XKR9: variants seen among roughly 807,000 people sequenced by gnomAD.
The protein encoded by XKR9 is XK-related protein 9.
In XKR9, 32 loss-of-function variants were observed where a neutral mutation model predicts 32.0. The observed-to-expected ratio is 1.00, with a 90% CI of 0.76 to 1.34. The LOEUF (loss-of-function observed/expected upper bound fraction) is 1.34, where lower values mean the gene tolerates loss of function less well. XKR9 is among the 40% of genes most tolerant of loss of function. The probability of loss-of-function intolerance (pLI) is 0.00; values close to 1 mark genes in which losing one functional copy is unlikely to be tolerated. For synonymous variants in XKR9, 168 were observed against 143.4 expected, an observed-to-expected ratio of 1.17 and a Z score of -1.22; for missense variants, 546 against 429.7, an observed-to-expected ratio of 1.27 and a Z score of -2.39.
intron 4 of XKR9, among the ~76,000 whole-genome samples, chr8:70,709,169 T>G (rs908803153): frequency 1.3e-5 from 2 of 152,128 alleles, no homozygotes; most frequent in African/African-American, 4.8e-5. Flanking sequence ...ATGTGATTCA[T>G]AAATACAACT....
chr8:70,980,057 C>G, the XKR9 span, among the ~76,000 whole-genome samples: 2 of 152,216 alleles, frequency 1.3e-5, no homozygotes, highest in Admixed American at 1.3e-4. Context: ...GTGTGTGGGA[C>G]CCACTGAGCC....
the XKR9 span, among the ~76,000 whole-genome samples, chr8:70,902,022 C>G: frequency 0.029 from 4,379 of 152,088 alleles, 112 homozygotes; most frequent in Non-Finnish European, 0.038. Flanking sequence ...GTCTATATAT[C>G]TGTTTTGGTA....
the XKR9 span, among the ~76,000 whole-genome samples, chr8:71,004,138 C>A: frequency 1.3e-5 from 2 of 152,054 alleles, no homozygotes; most frequent in Non-Finnish European, 1.5e-5. Context: ...CGTGGAGGAC[C>A]ATGTTGTGAA....
chr8:70,899,163 T>A, the XKR9 span, among the ~76,000 whole-genome samples: 1 of 152,126 alleles, frequency 6.6e-6, no homozygotes, highest in East Asian at 1.9e-4. Context: ...CTTCCAAGAT[T>A]AAAAAAATTT....
chr8:70,723,255 C>T (rs1376798511), intron 4 of XKR9, among the ~76,000 whole-genome samples: 2 of 152,230 alleles, frequency 1.3e-5, no homozygotes, highest in African/African-American at 2.4e-5. Context: ...GCTCCTTTAG[C>T]TCAGAGGAGT....
chr8:70,858,038 C>G, the XKR9 span, among the ~76,000 whole-genome samples: 3 of 152,150 alleles, frequency 2.0e-5, no homozygotes, highest in Non-Finnish European at 4.4e-5. Context: ...AGGAAGCATT[C>G]CCTTTGAAAA....
chr8:70,720,090 GCTCT>G (rs1394574613), intron 4 of XKR9, among the ~76,000 whole-genome samples: 3 of 152,028 alleles, frequency 2.0e-5, no homozygotes, highest in Non-Finnish European at 2.9e-5. Flanking sequence ...TCATGATTGG[GCTCT>G]CTGTTTGTCT....
the XKR9 span, among the ~76,000 whole-genome samples, chr8:70,873,833 C>T: frequency 6.6e-6 from 1 of 152,192 alleles, no homozygotes; most frequent in East Asian, 1.9e-4. Flanking sequence ...GTATAAAATG[C>T]TATCAAGCAG....
At chr8:70,949,924 A>T in the XKR9 span, among the ~76,000 whole-genome samples, 2 of 152,146 alleles carry the variant, frequency 1.3e-5, no homozygotes, top group Non-Finnish European at 2.9e-5. Flanking sequence ...TCATTTTCAG[A>T]TGAAGCTTTG....
the XKR9 span, among the ~76,000 whole-genome samples, chr8:71,044,037 T>A: frequency 6.6e-6 from 1 of 152,126 alleles, no homozygotes; most frequent in African/African-American, 2.4e-5. Flanking sequence ...AACATGCAAG[T>A]TGGAAGGATT....
chr8:70,865,709 C>T, the XKR9 span, among the ~76,000 whole-genome samples: 1 of 152,098 alleles, frequency 6.6e-6, no homozygotes, highest in Non-Finnish European at 1.5e-5. Flanking sequence ...CTTCCATGCT[C>T]TTAGTCAAAA....
chr8:70,765,234 C>T (rs1807359258), intron 2 of XKR9, among the ~76,000 whole-genome samples: 1 of 152,322 alleles, frequency 6.6e-6, no homozygotes, highest in South Asian at 2.1e-4. Flanking sequence ...ACCTATTTCT[C>T]CACATCCTCT....
chr8:70,681,349 T>C lies in XKR9; in HGVS notation c.272+19T>C. ...TTACAAGGTGAGCATACATGTTTAA[T>C]CATTACCACTGTTTTTCTTTTTCCA... On this transcript the variant is annotated intron_variant, in intron 3 of 4. Transcript: ENST00000408926. 1.3e-6 allele frequency: 2 copies of C among 1,591,308 alleles called. No individual in the cohort carries two copies. The highest frequency in any genetic ancestry group is 4.5e-5 in the East Asian group (2 of 44,538).
chr8:71,037,501 G>T, the XKR9 span, among the ~76,000 whole-genome samples: 9 of 152,188 alleles, frequency 5.9e-5, no homozygotes, highest in African/African-American at 2.2e-4. Flanking sequence ...CTAGCTCTTG[G>T]GAATCATGCC....
chr8:70,700,686 T>G (rs1459001814), intron 3 of XKR9, among the ~76,000 whole-genome samples: 1 of 152,192 alleles, frequency 6.6e-6, no homozygotes, highest in Non-Finnish European at 1.5e-5. Flanking sequence ...TCCAGCTGCG[T>G]GCTGGGAGAA....
chr8:70,681,641 T>C (rs189651493), intron 3 of XKR9, among the ~76,000 whole-genome samples: 2 of 152,236 alleles, frequency 1.3e-5, no homozygotes, highest in Admixed American at 1.3e-4. Flanking sequence ...CTAAGTCTGA[T>C]TGTGTAAATA....
the XKR9 span, among the ~76,000 whole-genome samples, chr8:70,867,070 A>T: frequency 1.3e-4 from 20 of 152,300 alleles, no homozygotes; most frequent in Admixed American, 1.2e-3. Context: ...TGATACGGGA[A>T]AAAGGGTTTA....
the XKR9 span, among the ~76,000 whole-genome samples, chr8:70,893,266 A>C: frequency 6.6e-6 from 1 of 152,064 alleles, no homozygotes; most frequent in Non-Finnish European, 1.5e-5. Flanking sequence ...TGAATTGTTC[A>C]TCTGTATTTT....
the XKR9 span, among the ~76,000 whole-genome samples, chr8:70,807,263 A>C: frequency 6.6e-6 from 1 of 152,212 alleles, no homozygotes; most frequent in African/African-American, 2.4e-5. Context: ...TCCTGAAAAA[A>C]GTGCTAAATA....
Sources: gnomAD v4.1 joint callset for allele counts (sites outside exome capture counted in the v4.1 genomes callset) on GRCh38, gnomAD v4.1.1 for gene constraint, MANE v1.5 for transcripts, NCBI Gene and HGNC (gene_info 2026-07-23, HGNC 2026-07-21) for gene names.